Variants in WDR19 observed in about 807,000 individuals in gnomAD.
The protein encoded by WDR19 is WD repeat-containing protein 19.
A neutral mutation model predicts 180.0 loss-of-function variants in WDR19; 121 were observed. That is an observed-to-expected ratio of 0.67 (90% CI 0.58 to 0.78). WDR19 has a LOEUF of 0.78. Among genes scored for constraint, WDR19 ranks in the 30% least tolerant of loss-of-function variants. The pLI is 0.00. For synonymous variants in WDR19, 497 were observed against 540.7 expected (o/e 0.92, Z 1.12); for missense variants, 1,450 against 1,640.7 (o/e 0.88, Z 2.01).
chr4:39,259,774 T>C (rs1385723656), intron 28 of WDR19, among the ~76,000 whole-genome samples: 1 of 152,228 alleles, frequency 6.6e-6, no homozygotes, highest in Non-Finnish European at 1.5e-5. Flanking sequence ...ATATGTAAAC[T>C]CTGTGTTTAA....
At chr4:39,218,411 C>T in intron 14 of WDR19, 2 of 351,970 alleles carry the variant, frequency 5.7e-6, no homozygotes, top group Middle Eastern at 8.5e-4. Flanking sequence ...GGCTACAAAC[C>T]AGTACAGCAT....
At chr4:39,189,844 G>C in intron 4 of WDR19, 63 bp downstream of exon 4, 1 of 1,507,208 alleles carries the variant, frequency 6.6e-7, no homozygotes. Context: ...TAGGTTTGGT[G>C]CTAACAATTC....
chr4:39,246,384 T>C (rs1167675560), intron 24 of WDR19, among the ~76,000 whole-genome samples: 1 of 152,076 alleles, frequency 6.6e-6, no homozygotes, highest in Non-Finnish European at 1.5e-5. Flanking sequence ...GGAGCTAAGA[T>C]GGCCGAATAG....
chr4:39,231,366 C>T (rs1030724011), intron 17 of WDR19, among the ~76,000 whole-genome samples: 5 of 150,030 alleles, frequency 3.3e-5, no homozygotes, highest in Admixed American at 3.3e-4. Flanking sequence ...CTTTGTTCCA[C>T]TCAAGCTGTA....
rs765060066 is a variant in WDR19 at position 39,218,122 on chromosome 4, T to C, written c.1479+17T>C. 13 of 1,588,066 alleles carry C rather than the reference T, an allele frequency of 8.2e-6. No individual in the cohort carries two copies. Among genetic ancestry groups the C allele is most frequent in the Non-Finnish European group, 1.1e-5 (13 of 1,167,776 alleles). ...GGTACAGATGTATGTATTGCCTTCT[T>C]TTTTAGAGAACACTGGGAATTTTTA... On this transcript the variant is annotated intron_variant, in intron 14 of 36. Coordinates refer to ENST00000399820, the MANE Select transcript of WDR19 (RefSeq NM_025132.4).
At chr4:39,187,266 A>G (rs912729411) in intron 3 of WDR19, among the ~76,000 whole-genome samples, 1 of 152,046 alleles carries the variant, frequency 6.6e-6, no homozygotes. Flanking sequence ...TAAAAATACA[A>G]AAAAGTAGCT....
At chr4:39,236,802 T>A (rs1239452546) in intron 20 of WDR19, among the ~76,000 whole-genome samples, 1 of 152,210 alleles carries the variant, frequency 6.6e-6, no homozygotes, top group African/African-American at 2.4e-5. Flanking sequence ...TTCCATAATC[T>A]ATTCTGAGAA....
intron 15 of WDR19, among the ~76,000 whole-genome samples, chr4:39,227,824 A>G (rs752492081): frequency 1.3e-5 from 2 of 152,184 alleles, no homozygotes; most frequent in Non-Finnish European, 1.5e-5. Context: ...GTTTCTTAAT[A>G]CCCACTATTA....
intron 25 of WDR19, 70 bp downstream of exon 25, chr4:39,253,362 A>G: frequency 2.1e-6 from 3 of 1,432,434 alleles, no homozygotes; most frequent in Middle Eastern, 1.8e-4. Context: ...GCCTTCTATC[A>G]TCAAATATAT....
In WDR19 at chr4:39,277,011, TC is replaced by T. The variant is rs758407111; in HGVS notation, c.3717-7del. 9 of 1,610,810 alleles carry T rather than the reference TC, an allele frequency of 5.6e-6. 1 individual carries two copies. Among genetic ancestry groups the T allele is most frequent in the Middle Eastern group, 1.7e-4 (1 of 6,058 alleles). On this transcript the variant is annotated splice_region_variant and splice_polypyrimidine_tract_variant and intron_variant, in intron 33 of 36. Coordinates refer to ENST00000399820, the MANE Select transcript of WDR19 (RefSeq NM_025132.4). ...CGGCATTTTTAAATGACATGATTCT[TC>T]CTCACAGGAGACCCGATATATCTGA...
intron 4 of WDR19, among the ~76,000 whole-genome samples, chr4:39,192,354 AGAAGAGATTG>A (rs1333105708): frequency 2.6e-5 from 4 of 152,254 alleles, no homozygotes; most frequent in Non-Finnish European, 5.9e-5. Flanking sequence ...TAGAGAGGTT[AGAAGAGATTG>A]GAAGAGCTGT....
At position 39,214,638 on chromosome 4, in the gene WDR19, T is replaced by C. The variant is rs746431590; in HGVS notation, c.928T>C (p.Tyr310His). 1.9e-6 allele frequency: 3 copies of C among 1,585,326 alleles called. No homozygotes were observed. Among genetic ancestry groups the C allele is most frequent in the East Asian group, 2.2e-5 (1 of 44,574 alleles). ...AGACTTGGTTGACTTAAAAGACATG[T>C]ATGTTATACTCAACCTGGATGAGGA... Reference protein sequence around the residue: ...IQDLVDLKDMYVILNLDEENK... With the variant: ...IQDLVDLKDMHVILNLDEENK... The change falls in exon 10 of 37, where the codon TAT (tyrosine) becomes CAT (histidine). Residue 310 changes from tyrosine to histidine, a missense_variant. Physicochemically the swap from Tyr to His is moderately conservative, Grantham distance 83. Transcript: ENST00000399820.
At chr4:39,240,783 C>T (rs1042483532) in intron 21 of WDR19, among the ~76,000 whole-genome samples, 3 of 151,318 alleles carry the variant, frequency 2.0e-5, no homozygotes, top group Non-Finnish European at 4.4e-5. Flanking sequence ...AACCCCATCT[C>T]TACTAAAAAA....
intron 24 of WDR19, among the ~76,000 whole-genome samples, chr4:39,251,186 G>A (rs1176110319): frequency 6.6e-6 from 1 of 152,104 alleles, no homozygotes; most frequent in African/African-American, 2.4e-5. Flanking sequence ...ACAGAACAGA[G>A]CCCTCAGAAA....
chr4:39,255,815 T>C, intron 26 of WDR19, 33 bp from the exon 27 acceptor site: 1 of 1,325,412 alleles, frequency 7.5e-7, no homozygotes, highest in Non-Finnish European at 1.0e-6. Context: ...CAAATTTTGC[T>C]CAGATATTTT....
In WDR19 at chr4:39,220,560, A is replaced by ATTTTTTTTT. The variant is rs142037096; in HGVS notation, c.1479+2471_1479+2479dup. On this transcript the variant is annotated intron_variant, in intron 14 of 36. Coordinates refer to ENST00000399820, the MANE Select transcript of WDR19 (RefSeq NM_025132.4). ...TTTTTTTTAGAAACAGACCTCCTTG[A>ATTTTTTTTT]TTTTTTTTTTTTTTTTTTTTTTTTG... Among the ~76,000 whole-genome samples, 40 of 64,380 alleles carry ATTTTTTTTT rather than the reference A, an allele frequency of 6.2e-4. 5 individuals are homozygous for ATTTTTTTTT. The highest frequency in any genetic ancestry group is 1.1e-3 in the East Asian group (2 of 1,898). 42.2% of individuals were successfully genotyped at this position (64,380 alleles called of 152,430 possible). A position where few individuals can be genotyped will look rare whatever the true frequency, so the allele number is the denominator to read the frequency against.
At chr4:39,270,904 T>TA (rs1382214773) in intron 31 of WDR19, among the ~76,000 whole-genome samples, 1 of 150,308 alleles carries the variant, frequency 6.7e-6, no homozygotes, top group Admixed American at 6.6e-5. Context: ...AATTTTTTTT[T>TA]TTTTTTTTGA....
intron 18 of WDR19, 45 bp downstream of exon 18, chr4:39,232,001 A>G (rs752698174): frequency 3.1e-6 from 5 of 1,593,498 alleles, no homozygotes; most frequent in African/African-American, 1.3e-5. Flanking sequence ...TTTAAATGCT[A>G]TTTTAAGTTA....
At chr4:39,259,614 G>A (rs983238608) in intron 28 of WDR19, among the ~76,000 whole-genome samples, 30 of 152,138 alleles carry the variant, frequency 2.0e-4, no homozygotes, top group Admixed American at 1.2e-3. Context: ...ATATTCCATC[G>A]TATGAATATA....
Sources: gnomAD v4.1 joint callset for allele counts (sites outside exome capture counted in the v4.1 genomes callset) on GRCh38, gnomAD v4.1.1 for gene constraint, MANE v1.5 for transcripts, NCBI Gene and HGNC (gene_info 2026-07-23, HGNC 2026-07-21) for gene names.